The following SYT16 variants were observed in gnomAD, a reference collection of about 807,000 sequenced individuals.
The protein encoded by SYT16 is synaptotagmin-16.
A neutral mutation model predicts 61.4 loss-of-function variants in SYT16; 42 were observed. That is an observed-to-expected ratio of 0.68 (90% CI 0.53 to 0.89). SYT16 has a LOEUF of 0.89. Ranked by LOEUF, SYT16 falls within the 40% of genes least tolerant of loss-of-function variation. The probability of loss-of-function intolerance (pLI) is 0.00; values close to 1 mark genes in which losing one functional copy is unlikely to be tolerated. For synonymous variants in SYT16, 314 were observed against 302.3 expected (o/e 1.04, Z -0.40); for missense variants, 804 against 807.3 (o/e 1.00, Z 0.05).
chr14:62,070,144 G>A (rs1252654512), intron 4 of SYT16, among the ~76,000 whole-genome samples: 11 of 152,092 alleles, frequency 7.2e-5, no homozygotes, highest in Admixed American at 2.0e-4. Context: ...TGATAGATAC[G>A]AAAATGTCAC....
chr14:61,890,223 T>A (rs1197285452), intron 1 of SYT16, among the ~76,000 whole-genome samples: 1 of 151,970 alleles, frequency 6.6e-6, no homozygotes, highest in Non-Finnish European at 1.5e-5. Context: ...CTGTGGGTAG[T>A]TTGGGTTGGT....
chr14:61,932,997 A>C (rs2049837258), intron 1 of SYT16, among the ~76,000 whole-genome samples: 1 of 152,244 alleles, frequency 6.6e-6, no homozygotes, highest in African/African-American at 2.4e-5. Context: ...AAAAGCATTA[A>C]TAAGATATCA....
chr14:61,880,408 C>T (rs529920494), intron 1 of SYT16, among the ~76,000 whole-genome samples: 1 of 152,300 alleles, frequency 6.6e-6, no homozygotes, highest in African/African-American at 2.4e-5. Flanking sequence ...CAGGGCAGAG[C>T]AAGCATTCCT....
chr14:61,859,276 G>A (rs1455740471), intron 1 of SYT16, among the ~76,000 whole-genome samples: 1 of 152,128 alleles, frequency 6.6e-6, no homozygotes, highest in Admixed American at 6.5e-5. Flanking sequence ...AGACATGTTG[G>A]CTCCATCTTC....
chr14:62,045,680 C>T (rs1254480033), intron 3 of SYT16, among the ~76,000 whole-genome samples: 2 of 152,242 alleles, frequency 1.3e-5, no homozygotes, highest in East Asian at 3.9e-4. Context: ...TCAATTCCCA[C>T]CTATGAGTGA....
chr14:61,897,464 A>C (rs994712725), intron 1 of SYT16: 1 of 152,106 alleles, frequency 6.6e-6, no homozygotes. Context: ...TCCACCCCTC[A>C]TTTGTGGTTC....
At chr14:61,969,235 T>TTAG (rs3081450) in intron 1 of SYT16, among the ~76,000 whole-genome samples, 2 of 151,838 alleles carry the variant, frequency 1.3e-5, no homozygotes, top group Admixed American at 6.6e-5. Flanking sequence ...TGAATCATTC[T>TTAG]TGATATTTGT....
intron 1 of SYT16, among the ~76,000 whole-genome samples, chr14:61,942,373 T>C (rs1319335683): frequency 6.6e-6 from 1 of 152,200 alleles, no homozygotes; most frequent in Non-Finnish European, 1.5e-5. Context: ...AAATTATTGA[T>C]GGAGTGGTGT....
chr14:62,030,077 A>G (rs1234721274), intron 3 of SYT16, among the ~76,000 whole-genome samples: 1 of 152,196 alleles, frequency 6.6e-6, no homozygotes, highest in African/African-American at 2.4e-5. Context: ...ACCTTCTTCC[A>G]TGAAGAGGCA....
At chr14:61,833,098 C>A (rs1328366882) in intron 1 of SYT16, among the ~76,000 whole-genome samples, 1 of 152,124 alleles carries the variant, frequency 6.6e-6, no homozygotes, top group South Asian at 2.1e-4. Context: ...TTATTTCAAT[C>A]TCTGTCTGTA....
chr14:61,896,203 G>A (rs916081120), intron 1 of SYT16, among the ~76,000 whole-genome samples: 1 of 152,016 alleles, frequency 6.6e-6, no homozygotes, highest in Non-Finnish European at 1.5e-5. Context: ...GCTTATATGG[G>A]CAAGAACCCC....
At chr14:62,065,654 T>C (rs1263878766) in intron 3 of SYT16, among the ~76,000 whole-genome samples, 1 of 152,194 alleles carries the variant, frequency 6.6e-6, no homozygotes, top group African/African-American at 2.4e-5. Context: ...TAAATTAGAA[T>C]GGAATCTCAG....
At chr14:61,992,889 G>A (rs118000931) in intron 2 of SYT16, among the ~76,000 whole-genome samples, 2,201 of 152,166 alleles carry the variant, frequency 0.014, 20 homozygotes, top group Non-Finnish European at 0.021. Context: ...CAGCACCAGT[G>A]CTCAAACTTT....
intron 1 of SYT16, among the ~76,000 whole-genome samples, chr14:61,887,388 C>G (rs546465809): frequency 1.8e-4 from 27 of 152,240 alleles, no homozygotes; most frequent in Non-Finnish European, 3.4e-4. Context: ...CCAGTGAGCA[C>G]TGGCTTCAAT....
At chr14:61,820,290 T>A (rs2045571142) in intron 1 of SYT16, among the ~76,000 whole-genome samples, 1 of 152,170 alleles carries the variant, frequency 6.6e-6, no homozygotes, top group Non-Finnish European at 1.5e-5. Flanking sequence ...AATTCACTGA[T>A]GGGCTGTGAA....
intron 7 of SYT16, 67 bp downstream of exon 7, chr14:62,084,452 C>T (rs1392691491): frequency 2.0e-6 from 3 of 1,491,182 alleles, no homozygotes; most frequent in South Asian, 2.6e-5. Context: ...TGTCTGCTTT[C>T]ATCTTAGTTC....
chr14:62,104,670 CTG>C lies in SYT16; in HGVS notation c.*3966_*3967del, dbSNP rs1379308447. 6.6e-6 allele frequency: 1 copy of C among 152,194 alleles called. No homozygotes were observed. The highest frequency in any genetic ancestry group is 2.4e-5 in the African/African-American group (1 of 41,448). 9.4% of individuals were successfully genotyped at this position (152,194 alleles called of 1,614,324 possible). A position where few individuals can be genotyped will look rare whatever the true frequency, so the allele number is the denominator to read the frequency against. On this transcript the variant is annotated 3_prime_UTR_variant, in exon 8 of 8. Transcript: ENST00000683842. ...ATATTTAAAGATGGGAGAAACGAAA[CTG>C]TGCTAAGACAATGAGATTGGCATAG...
chr14:61,878,291 CA>C (rs1286540460), intron 1 of SYT16, among the ~76,000 whole-genome samples: 3 of 152,176 alleles, frequency 2.0e-5, no homozygotes, highest in African/African-American at 7.2e-5. Context: ...AAGCCAAAGG[CA>C]GTTATTTCTT....
chr14:61,956,842 A>C (rs1269283518), intron 1 of SYT16, among the ~76,000 whole-genome samples: 1 of 151,796 alleles, frequency 6.6e-6, no homozygotes, highest in East Asian at 1.9e-4. Flanking sequence ...GCTTTAAAAC[A>C]TGCTATTGTG....
Sources: gnomAD v4.1 joint callset for allele counts (sites outside exome capture counted in the v4.1 genomes callset) on GRCh38, gnomAD v4.1.1 for gene constraint, MANE v1.5 for transcripts, NCBI Gene and HGNC (gene_info 2026-07-23, HGNC 2026-07-21) for gene names.